Variants in SOX5 observed in about 807,000 individuals in gnomAD.
The protein encoded by SOX5 is transcription factor SOX-5.
Under a neutral mutation model 92.0 loss-of-function variants are expected in SOX5, and 9 were observed. The observed-to-expected ratio is 0.10, with a 90% CI of 0.06 to 0.17. The LOEUF (loss-of-function observed/expected upper bound fraction) is 0.17, where lower values mean the gene tolerates loss of function less well. SOX5 is among the 10% of genes least tolerant of loss of function. SOX5 has a pLI of 1.00. For missense variants in SOX5, 642 were observed against 944.5 expected, an observed-to-expected ratio of 0.68 and a Z score of 4.20; for synonymous variants, 344 against 336.3, an observed-to-expected ratio of 1.02 and a Z score of -0.25.
upstream of SOX5, chr12:23,949,753 CCTCT>C: frequency 2.7e-6 from 2 of 732,786 alleles, no homozygotes; most frequent in Admixed American, 3.5e-5. Flanking sequence ...TCTCTCTCTC[CCTCT>C]CTCTCTCTGT....
intron 2 of SOX5, among the ~76,000 whole-genome samples, chr12:24,314,024 C>A (rs1186183725): frequency 6.6e-6 from 1 of 152,140 alleles, no homozygotes; most frequent in Non-Finnish European, 1.5e-5. Context: ...TTGATGGAAT[C>A]TTTAAATGCA....
chr12:23,890,101 C>T (rs1484661122), intron 2 of SOX5, among the ~76,000 whole-genome samples: 1 of 152,108 alleles, frequency 6.6e-6, no homozygotes, highest in Non-Finnish European at 1.5e-5. Context: ...GGGCGGATTA[C>T]CTGAGGTCAG....
intron 2 of SOX5, among the ~76,000 whole-genome samples, chr12:24,278,497 G>C (rs1481212841): frequency 6.6e-6 from 1 of 152,070 alleles, no homozygotes; most frequent in Non-Finnish European, 1.5e-5. Context: ...AGTATTACTT[G>C]AACCCAGGAG....
chr12:24,163,531 C>T (rs569266683), intron 4 of SOX5, among the ~76,000 whole-genome samples: 6 of 148,406 alleles, frequency 4.0e-5, no homozygotes, highest in Admixed American at 1.3e-4. Context: ...ATATTTATTC[C>T]GAGCTTTATT....
At chr12:23,962,700 T>C (rs1019255055) in intron 4 of SOX5, among the ~76,000 whole-genome samples, 1 of 152,210 alleles carries the variant, frequency 6.6e-6, no homozygotes, top group African/African-American at 2.4e-5. Context: ...ACTGCTATTT[T>C]GATTGCATTT....
At chr12:24,268,892 T>C (rs1943348833) in intron 3 of SOX5, among the ~76,000 whole-genome samples, 1 of 152,192 alleles carries the variant, frequency 6.6e-6, no homozygotes, top group South Asian at 2.1e-4. Context: ...TTCAGTATTT[T>C]GTTTTGGTGT....
intron 3 of SOX5, among the ~76,000 whole-genome samples, chr12:23,773,651 C>T (rs1041473771): frequency 1.3e-5 from 2 of 151,980 alleles, no homozygotes; most frequent in African/African-American, 4.8e-5. Context: ...GGATTACAGG[C>T]GTGAGCCACT....
At chr12:23,823,271 A>G (rs1278520058) in intron 3 of SOX5, among the ~76,000 whole-genome samples, 1 of 151,906 alleles carries the variant, frequency 6.6e-6, no homozygotes, top group Non-Finnish European at 1.5e-5. Flanking sequence ...TCCTTTTCAA[A>G]TTTGTGCTTC....
chr12:24,305,015 A>T (rs1427078533), intron 2 of SOX5, among the ~76,000 whole-genome samples: 1 of 152,198 alleles, frequency 6.6e-6, no homozygotes, highest in African/African-American at 2.4e-5. Context: ...GTCCTGAAGA[A>T]GATGCTGGAA....
At chr12:24,525,127 C>A (rs1300334179) in intron 1 of SOX5, among the ~76,000 whole-genome samples, 3 of 152,070 alleles carry the variant, frequency 2.0e-5, no homozygotes, top group African/African-American at 7.2e-5. Flanking sequence ...TCACAATAGC[C>A]AATATGTAAA....
At chr12:23,754,126 G>C (rs1255751603) in intron 4 of SOX5, among the ~76,000 whole-genome samples, 1 of 151,824 alleles carries the variant, frequency 6.6e-6, no homozygotes, top group Non-Finnish European at 1.5e-5. Context: ...CCCAAGGCAA[G>C]CCTGAAAGGG....
chr12:24,538,643 C>T (rs1180495199), intron 1 of SOX5, among the ~76,000 whole-genome samples: 1 of 141,778 alleles, frequency 7.1e-6, no homozygotes, highest in Admixed American at 7.1e-5. Context: ...ACACACTACA[C>T]GATAAGAAGA....
intron 4 of SOX5, among the ~76,000 whole-genome samples, chr12:24,065,759 A>G (rs1038930143): frequency 2.0e-5 from 3 of 152,144 alleles, no homozygotes; most frequent in Non-Finnish European, 2.9e-5. Context: ...ACAATGACCA[A>G]TGTCAACCAG....
chr12:24,301,124 G>T (rs1277645382), intron 2 of SOX5, among the ~76,000 whole-genome samples: 1 of 152,204 alleles, frequency 6.6e-6, no homozygotes, highest in African/African-American at 2.4e-5. Context: ...GGGACAAGCA[G>T]CCCGCAAGCT....
chr12:24,149,442 C>A (rs1951440488), intron 4 of SOX5, among the ~76,000 whole-genome samples: 1 of 152,062 alleles, frequency 6.6e-6, no homozygotes, highest in Admixed American at 6.5e-5. Flanking sequence ...GGCAAATAAG[C>A]ATATGAAAAT....
chr12:23,554,361 A>G (rs1944742474), intron 11 of SOX5, among the ~76,000 whole-genome samples: 1 of 152,074 alleles, frequency 6.6e-6, no homozygotes. Context: ...TTTTTGATCA[A>G]GTCTCAAAAA....
chr12:24,170,386 G>A (rs1447463901), intron 4 of SOX5, among the ~76,000 whole-genome samples: 1 of 152,162 alleles, frequency 6.6e-6, no homozygotes, highest in Non-Finnish European at 1.5e-5. Flanking sequence ...ACACTCATGA[G>A]ACCCAGAGTC....
At chr12:24,511,786 G>T (rs1202213037) in intron 1 of SOX5, among the ~76,000 whole-genome samples, 1 of 151,864 alleles carries the variant, frequency 6.6e-6, no homozygotes, top group African/African-American at 2.4e-5. Flanking sequence ...GTGAAACCCC[G>T]TCTCTACTAA....
upstream of SOX5, among the ~76,000 whole-genome samples, chr12:23,950,088 C>T (rs1008371009): frequency 6.6e-6 from 1 of 151,492 alleles, no homozygotes; most frequent in Non-Finnish European, 1.5e-5. Context: ...TTTTGTAAAA[C>T]GTATTTGCTG....
Sources: gnomAD v4.1 joint callset for allele counts (sites outside exome capture counted in the v4.1 genomes callset) on GRCh38, gnomAD v4.1.1 for gene constraint, MANE v1.5 for transcripts, NCBI Gene and HGNC (gene_info 2026-07-23, HGNC 2026-07-21) for gene names.